The following NXPE4 variants were observed in gnomAD, a reference collection of about 807,000 sequenced individuals.
The protein encoded by NXPE4 is neurexophilin and PC-esterase domain family member 4.
Under a neutral mutation model 33.3 loss-of-function variants are expected in NXPE4, and 42 were observed. That is an observed-to-expected ratio of 1.26 (90% CI 0.98 to 1.63). The LOEUF is 1.63. NXPE4 is among the 40% of genes most tolerant of loss of function. The probability of loss-of-function intolerance (pLI) is 0.00; values close to 1 mark genes in which losing one functional copy is unlikely to be tolerated. For missense variants in NXPE4, 709 were observed against 647.6 expected (o/e 1.09, Z -1.03); for synonymous variants, 253 against 234.9 (o/e 1.08, Z -0.71).
At chr11:114,575,005 G>A (rs1477302851) in intron 5 of NXPE4, among the ~76,000 whole-genome samples, 5 of 152,068 alleles carry the variant, frequency 3.3e-5, no homozygotes, top group African/African-American at 1.2e-4. Context: ...TGATCAAGTG[G>A]GTTTCATACC....
chr11:114,583,423 C>G (rs756391571), intron 2 of NXPE4: 2 of 660,524 alleles, frequency 3.0e-6, no homozygotes, highest in Non-Finnish European at 5.7e-6. Context: ...ATCACCCTCA[C>G]AAAGCCAATG....
chr11:114,634,091 T>G, the NXPE4 span, among the ~76,000 whole-genome samples: 2 of 151,554 alleles, frequency 1.3e-5, no homozygotes, highest in Non-Finnish European at 2.9e-5. Flanking sequence ...AGTGTAAAAG[T>G]GTTCCTATTT....
chr11:114,655,343 T>C, the NXPE4 span, among the ~76,000 whole-genome samples: 1 of 152,230 alleles, frequency 6.6e-6, no homozygotes. Context: ...ATCCCATTTG[T>C]CAATTTTCAC....
the NXPE4 span, among the ~76,000 whole-genome samples, chr11:114,603,525 G>A: frequency 3.4e-5 from 5 of 148,498 alleles, no homozygotes; most frequent in African/African-American, 7.5e-5. Context: ...GTATTGCCTC[G>A]TCTCCCAGGT....
At chr11:114,605,871 A>G in the NXPE4 span, among the ~76,000 whole-genome samples, 7 of 151,772 alleles carry the variant, frequency 4.6e-5, no homozygotes, top group Non-Finnish European at 8.8e-5. Flanking sequence ...GGTGGATAAT[A>G]AGTGTTGCCT....
chr11:114,625,295 A>T, the NXPE4 span, among the ~76,000 whole-genome samples: 4 of 149,576 alleles, frequency 2.7e-5, no homozygotes, highest in African/African-American at 9.9e-5. Flanking sequence ...GCGTAACCAC[A>T]GTTACCCAGT....
chr11:114,664,300 G>A, the NXPE4 span, among the ~76,000 whole-genome samples: 11 of 152,250 alleles, frequency 7.2e-5, no homozygotes, highest in Admixed American at 7.2e-4. Flanking sequence ...AACCATCATG[G>A]CAGAAAACAA....
the NXPE4 span, among the ~76,000 whole-genome samples, chr11:114,651,520 T>C: frequency 5.9e-5 from 9 of 152,340 alleles, no homozygotes; most frequent in Non-Finnish European, 1.2e-4. Flanking sequence ...TGCCACAGCA[T>C]GGAAGAGAAT....
chr11:114,598,572 C>T (rs1419302210), upstream of NXPE4, among the ~76,000 whole-genome samples: 2 of 152,240 alleles, frequency 1.3e-5, no homozygotes, highest in Non-Finnish European at 2.9e-5. Flanking sequence ...TCAACTCTTG[C>T]ACTCTGTGCA....
At chr11:114,601,169 G>A in the NXPE4 span, among the ~76,000 whole-genome samples, 1 of 151,504 alleles carries the variant, frequency 6.6e-6, no homozygotes, top group Non-Finnish European at 1.5e-5. Flanking sequence ...GGTGAACTCT[G>A]GAGTTTTAGT....
the NXPE4 span, among the ~76,000 whole-genome samples, chr11:114,639,948 AAT>A: frequency 3.7e-5 from 4 of 108,220 alleles, no homozygotes; most frequent in East Asian, 2.8e-4. Flanking sequence ...AATATAACAT[AAT>A]AGTTTGTATT....
chr11:114,608,643 G>A, the NXPE4 span, among the ~76,000 whole-genome samples: 24 of 151,702 alleles, frequency 1.6e-4, no homozygotes, highest in Non-Finnish European at 2.9e-4. Flanking sequence ...TTGTTGCCTC[G>A]AGGGTAACCA....
At chr11:114,580,383 A>G in intron 4 of NXPE4, 45 bp from the exon 5 acceptor site, 1 of 1,543,602 alleles carries the variant, frequency 6.5e-7, no homozygotes, top group Non-Finnish European at 8.9e-7. Flanking sequence ...ACATCAAATT[A>G]CCCGTCAGTA....
chr11:114,641,768 G>A, the NXPE4 span, among the ~76,000 whole-genome samples: 164 of 152,026 alleles, frequency 1.1e-3, no homozygotes, highest in African/African-American at 3.9e-3. Flanking sequence ...TTTGATCAAG[G>A]GGAAAAGAAA....
the NXPE4 span, among the ~76,000 whole-genome samples, chr11:114,664,449 CA>C: frequency 1.9e-4 from 29 of 150,958 alleles, no homozygotes; most frequent in Admixed American, 4.0e-4. Flanking sequence ...CAACTGTAAA[CA>C]AAAAAAAATA....
chr11:114,579,931 T>G (rs544780565), intron 5 of NXPE4, among the ~76,000 whole-genome samples: 1 of 152,306 alleles, frequency 6.6e-6, no homozygotes, highest in Non-Finnish European at 1.5e-5. Flanking sequence ...GTAATAAACC[T>G]TTTTCTACAC....
At chr11:114,640,301 T>A in the NXPE4 span, among the ~76,000 whole-genome samples, 1 of 145,960 alleles carries the variant, frequency 6.9e-6, no homozygotes. Flanking sequence ...CATTTTAAAT[T>A]TTTATATATT....
At chr11:114,613,599 T>C in the NXPE4 span, among the ~76,000 whole-genome samples, 4 of 151,928 alleles carry the variant, frequency 2.6e-5, no homozygotes, top group Admixed American at 6.6e-5. Context: ...GGATAATAAG[T>C]ATTGCCTCAT....
chr11:114,609,791 C>A, the NXPE4 span, among the ~76,000 whole-genome samples: 1 of 151,506 alleles, frequency 6.6e-6, no homozygotes, highest in Non-Finnish European at 1.5e-5. Context: ...ACCACAGTTA[C>A]CTGATGGATA....
Sources: allele counts gnomAD v4.1 joint callset (sites outside exome capture counted in the v4.1 genomes callset), GRCh38; gene constraint gnomAD v4.1.1; transcripts MANE v1.5; gene names NCBI Gene and HGNC (gene_info 2026-07-23, HGNC 2026-07-21).